TFPI: variants seen among roughly 807,000 people sequenced by gnomAD.
TFPI encodes the protein tissue factor pathway inhibitor, also known as anti-convertin.
Under a neutral mutation model 34.6 loss-of-function variants are expected in TFPI, and 15 were observed. The ratio of observed to expected loss-of-function variants is 0.43; its 90% CI spans 0.29 to 0.67. The LOEUF is 0.67. TFPI is among the 30% of genes least tolerant of loss of function. The pLI, the probability that TFPI is intolerant of heterozygous loss-of-function variation, is 0.15. For missense variants in TFPI, 301 were observed against 364.0 expected, an observed-to-expected ratio of 0.83 and a Z score of 1.41; for synonymous variants, 105 against 120.1, an observed-to-expected ratio of 0.87 and a Z score of 0.82.
chr2:187,474,491 A>T, intron 6 of TFPI, among the ~76,000 whole-genome samples: 1 of 152,318 alleles, frequency 6.6e-6, no homozygotes, highest in Non-Finnish European at 1.5e-5. Flanking sequence ...TATAATGCAG[A>T]CATTAAAGAG....
rs1170379993 is a variant in TFPI, at chr2:187,465,988, A to G, written c.*948T>C. The G allele has an allele frequency of 6.6e-6, 1 of 152,214 alleles. No homozygotes were observed. The highest frequency in any genetic ancestry group is 1.5e-5 in the Non-Finnish European group (1 of 68,038). The allele number at this position is 152,214 out of a possible 1,614,324, so 9.4% of individuals were successfully genotyped here. A position where few individuals can be genotyped will look rare whatever the true frequency, so the allele number is the denominator to read the frequency against. The stretch of plus-strand genomic sequence containing the variant: ...ATGACTAGCACATGAATTTTCTAGT[A>G]GACTCTTCCCTGCTGATAATTTTCT... On this transcript the variant is annotated 3_prime_UTR_variant, in exon 8 of 8. Transcript: ENST00000233156.
intron 3 of TFPI, among the ~76,000 whole-genome samples, chr2:187,489,144 G>T (rs981998875): frequency 5.9e-5 from 9 of 151,372 alleles, no homozygotes; most frequent in African/African-American, 2.2e-4. Context: ...GTCAAAGCAG[G>T]TTAGCATTCG....
intron 7 of TFPI, among the ~76,000 whole-genome samples, chr2:187,467,436 G>A (rs1189882447): frequency 6.6e-6 from 1 of 151,982 alleles, no homozygotes; most frequent in Admixed American, 6.6e-5. Context: ...TAATAAATAT[G>A]TTAAAATTTT....
rs570215314 is a variant in TFPI, at chr2:187,502,767, C to T, written c.121+881G>A. On this transcript the variant is annotated intron_variant, in intron 2 of 7. Coordinates refer to ENST00000233156, the MANE Select transcript of TFPI (RefSeq NM_006287.6). ...GAAACAGTGAGATTCTTGAGCACCT[C>T]ATCTCAGCCATACCTGTTTCTCTAG... is the stretch of plus-strand genomic sequence containing the variant. Among the ~76,000 whole-genome samples the T allele has an allele frequency of 2.7e-4, 41 of 152,278 alleles. 1 individual carries two copies. The South Asian group carries it at 7.5e-3, about 28-fold the overall frequency.
intron 6 of TFPI, among the ~76,000 whole-genome samples, chr2:187,482,677 G>A (rs1324830459): frequency 1.3e-5 from 2 of 151,886 alleles, no homozygotes; most frequent in Non-Finnish European, 2.9e-5. Flanking sequence ...ACCTGAGACA[G>A]CCATCAATTT....
intron 1 of TFPI, among the ~76,000 whole-genome samples, chr2:187,505,700 A>T (rs1167453237): frequency 6.6e-6 from 1 of 152,174 alleles, no homozygotes; most frequent in Non-Finnish European, 1.5e-5. Flanking sequence ...TAGTTTTAGC[A>T]TGAAACAAGG....
chr2:187,509,960 C>T (rs1037585290), intron 1 of TFPI, among the ~76,000 whole-genome samples: 1 of 152,144 alleles, frequency 6.6e-6, no homozygotes, highest in African/African-American at 2.4e-5. Context: ...TCCTATCATT[C>T]CTTATCTACA....
rs1249042079 is a variant in TFPI, at chr2:187,464,470, A to C, written c.*2466T>G. 6.6e-6 allele frequency: 1 copy of C among 152,206 alleles called. No homozygotes were observed. Among genetic ancestry groups the C allele is most frequent in the African/African-American group, 2.4e-5 (1 of 41,470 alleles). 9.4% of individuals were successfully genotyped at this position (152,206 alleles called of 1,614,324 possible). On this transcript the variant is annotated 3_prime_UTR_variant, in exon 8 of 8. Coordinates refer to ENST00000233156, the MANE Select transcript of TFPI (RefSeq NM_006287.6). Reference sequence around the variant, plus strand: ...CCAAAACACGGTAAAAATAACGTTCACATGCATTAAACATTTCAAGCCATC... The same window carrying C: ...CCAAAACACGGTAAAAATAACGTTCCCATGCATTAAACATTTCAAGCCATC...
chr2:187,470,429 A>G (rs1342740180), intron 6 of TFPI, among the ~76,000 whole-genome samples: 1 of 152,158 alleles, frequency 6.6e-6, no homozygotes, highest in East Asian at 1.9e-4. Flanking sequence ...GGAAAAAGCT[A>G]GGCTAGTACA....
Position 187,464,569 on chromosome 2 carries a change from A to G in TFPI, c.*2367T>C, listed in dbSNP as rs1490735855. The stretch of plus-strand genomic sequence containing the variant: ...TATTGTTGGAGAAAACAATTAGGCA[A>G]CTCATCAATGCGCTATTTATACAAT... On this transcript the variant is annotated 3_prime_UTR_variant, in exon 8 of 8. Coordinates refer to ENST00000233156, the MANE Select transcript of TFPI (RefSeq NM_006287.6). The G allele has an allele frequency of 1.3e-5, 2 of 152,074 alleles. No individual in the cohort carries two copies. The highest frequency in any genetic ancestry group is 1.5e-5 in the Non-Finnish European group (1 of 68,012). The allele number at this position is 152,074 out of a possible 1,614,324, so 9.4% of individuals were successfully genotyped here.
At chr2:187,544,160 T>C (rs1033975150) in intron 1 of TFPI, among the ~76,000 whole-genome samples, 6 of 152,172 alleles carry the variant, frequency 3.9e-5, no homozygotes, top group Non-Finnish European at 7.3e-5. Context: ...ACAAAAGAGC[T>C]ATTAACCAAC....
At chr2:187,506,679 C>T (rs1686241494) in intron 1 of TFPI, among the ~76,000 whole-genome samples, 1 of 151,902 alleles carries the variant, frequency 6.6e-6, no homozygotes, top group Admixed American at 6.6e-5. Context: ...CAGGGTATCC[C>T]CTTAATAGAA....
At chr2:187,528,213 G>A (rs4667168) in intron 1 of TFPI, among the ~76,000 whole-genome samples, 28,242 of 151,986 alleles carry the variant, frequency 0.19, 3,525 homozygotes, top group African/African-American at 0.34. Flanking sequence ...AGAGAAGGGC[G>A]TAGGTCTAAA....
intron 1 of TFPI, among the ~76,000 whole-genome samples, chr2:187,520,023 G>A (rs938588923): frequency 3.9e-5 from 6 of 152,222 alleles, no homozygotes; most frequent in African/African-American, 7.2e-5. Flanking sequence ...GTCCCAGGGC[G>A]ACTTCAGACT....
At chr2:187,482,385 G>A (rs1479146773) in intron 6 of TFPI, among the ~76,000 whole-genome samples, 2 of 151,946 alleles carry the variant, frequency 1.3e-5, no homozygotes, top group Non-Finnish European at 2.9e-5. Context: ...AAAATACAAA[G>A]CTGGAAAGAC....
chr2:187,488,719 C>G (rs576026912), intron 3 of TFPI, among the ~76,000 whole-genome samples: 1 of 151,354 alleles, frequency 6.6e-6, no homozygotes, highest in Non-Finnish European at 1.5e-5. Flanking sequence ...GAAAGTAATT[C>G]AAGCAGCCTA....
At chr2:187,511,456 T>A (rs1468151952) in intron 1 of TFPI, among the ~76,000 whole-genome samples, 1 of 152,140 alleles carries the variant, frequency 6.6e-6, no homozygotes, top group African/African-American at 2.4e-5. Context: ...TGTTTTGCGG[T>A]GTGCATGTGG....
At chr2:187,484,051 C>T in intron 6 of TFPI, 73 bp downstream of exon 6, 7 of 1,239,030 alleles carry the variant, frequency 5.6e-6, no homozygotes, top group South Asian at 5.0e-5. Flanking sequence ...AGACATACTT[C>T]TAATACACAA....
At chr2:187,507,661 GT>G (rs1271635329) in intron 1 of TFPI, among the ~76,000 whole-genome samples, 1 of 151,828 alleles carries the variant, frequency 6.6e-6, no homozygotes, top group South Asian at 2.1e-4. Flanking sequence ...TGATGGGATT[GT>G]TTTTTTCTTG....
Sources: gnomAD v4.1 joint callset for allele counts (sites outside exome capture counted in the v4.1 genomes callset) on GRCh38, gnomAD v4.1.1 for gene constraint, MANE v1.5 for transcripts, NCBI Gene and HGNC (gene_info 2026-07-23, HGNC 2026-07-21) for gene names.